The following TRIR variants were observed in gnomAD, a reference collection of about 807,000 sequenced individuals.
TRIR encodes the protein telomerase RNA component-interacting RNase.
Under a neutral mutation model 18.2 loss-of-function variants are expected in TRIR, and 5 were observed. The observed-to-expected ratio is 0.27, with a 90% CI of 0.14 to 0.58. The LOEUF is 0.58. TRIR is among the 20% of genes least tolerant of loss of function. TRIR has a pLI of 0.91. For synonymous variants in TRIR, 134 were observed against 114.4 expected (o/e 1.17, Z -1.10); for missense variants, 206 against 252.8 (o/e 0.81, Z 1.25).
Position 12,734,522 on chromosome 19 carries a change from C to G in TRIR, c.136G>C (p.Gly46Arg), listed in dbSNP as rs760670500. The G allele has an allele frequency of 4.2e-5, 64 of 1,536,438 alleles. No homozygotes were observed. The highest frequency in any genetic ancestry group is 5.3e-5 in the Non-Finnish European group (61 of 1,144,240). The change falls in exon 1 of 3, where the codon GGC (glycine) becomes CGC (arginine). Residue 46 changes from glycine to arginine, a missense_variant. Around this residue, in one of 2 missense-constraint regions of TRIR, gnomAD observed 172 missense variants for 165.0 expected, o/e 1.04. Coordinates refer to ENST00000242784, the MANE Select transcript of TRIR (RefSeq NM_024038.4). The surrounding 1 kb of genome is among the most constrained non-coding windows in gnomAD (Gnocchi z 4.1). ...CCCGACACCGGGCTCGAACCCGCGC[C>G]CGACACCTCCTCGTCCCCGCTCTCG... ...SPESGDEEVS[G>R]AGSSPVSGGV... is the part of the protein sequence containing the mutation.
Position 12,734,491 on chromosome 19 carries a change from A to C in TRIR, c.167T>G (p.Val56Gly). The C allele has an allele frequency of 1.3e-6, 2 of 1,534,674 alleles. No individual in the cohort carries two copies. The highest frequency in any genetic ancestry group is 1.7e-6 in the Non-Finnish European group (2 of 1,142,982). ...GAGSSPVSGG[V>G]NLFANDGSFL... The stretch of plus-strand genomic sequence containing the variant: ...GCTGCCGTCGTTGGCGAACAAGTTC[A>C]CGCCGCCCGACACCGGGCTCGAACC... The change falls in exon 1 of 3, where the codon GTG becomes GGG. Residue 56 changes from valine (V) to glycine (G), a missense_variant. Val to Gly is a moderately radical substitution (Grantham distance 109, BLOSUM62 -3). Transcript: ENST00000242784. This position sits in a 1 kb window ranked among gnomAD's most constrained non-coding sequence, Gnocchi z 4.1.
chr19:12,731,166 T>A lies in TRIR; in HGVS notation c.424-98A>T, dbSNP rs1462022427. The A allele has an allele frequency of 2.3e-5, 30 of 1,307,108 alleles. No homozygotes were observed. The highest frequency in any genetic ancestry group is 1.9e-5 in the Non-Finnish European group (17 of 903,862). The allele number at this position is 1,307,108 out of a possible 1,614,324, so 81.0% of individuals were successfully genotyped here. A position where few individuals can be genotyped will look rare whatever the true frequency, so the allele number is the denominator to read the frequency against. On this transcript the variant is annotated intron_variant, in intron 2 of 2. Transcript: ENST00000242784. The surrounding 1 kb of genome is among the most constrained non-coding windows in gnomAD (Gnocchi z 5.1). ...CCATTCCCAGTGTCACCCAGAAGAC[T>A]CTGGGTTTGAGCTGAAGATTATAAA...
rs990803068 is a variant in TRIR at position 12,731,114 on chromosome 19, G to A, written c.424-46C>T. ...TTAGGACGGGGGTGCCAGGAACCAG[G>A]GTCAGGACTGCCCTGAGACAGGTGA... On this transcript the variant is annotated intron_variant, in intron 2 of 2. Transcript: ENST00000242784. The surrounding 1 kb of genome is among the most constrained non-coding windows in gnomAD (Gnocchi z 5.1). The A allele has an allele frequency of 4.7e-6, 7 of 1,501,812 alleles. No individual in the cohort carries two copies. In the Admixed American group the frequency reaches 6.7e-5, roughly 14 times the overall value. The allele number at this position is 1,501,812 out of a possible 1,614,324, so 93.0% of individuals were successfully genotyped here.
Position 12,731,174 on chromosome 19 carries a change from T to A in TRIR, c.424-106A>T, listed in dbSNP as rs1323374550. 8 of 1,278,246 alleles carry A rather than the reference T, an allele frequency of 6.3e-6. No individual in the cohort carries two copies. Among genetic ancestry groups the A allele is most frequent in the Non-Finnish European group, 9.1e-6 (8 of 878,950 alleles). 79.2% of individuals were successfully genotyped at this position (1,278,246 alleles called of 1,614,324 possible). ...AGTGTCACCCAGAAGACTCTGGGTTTGAGCTGAAGATTATAAAGTCAAGTT... is the reference window on the plus strand; with the variant it reads ...AGTGTCACCCAGAAGACTCTGGGTTAGAGCTGAAGATTATAAAGTCAAGTT... On this transcript the variant is annotated intron_variant, in intron 2 of 2. Transcript: ENST00000242784. The surrounding 1 kb of genome is among the most constrained non-coding windows in gnomAD (Gnocchi z 5.1).
chr19:12,734,611 G>T lies in TRIR; in HGVS notation c.47C>A (p.Pro16Gln), dbSNP rs762582564. 2 of 1,517,502 alleles carry T rather than the reference G, an allele frequency of 1.3e-6. No individual in the cohort carries two copies. The highest frequency in any genetic ancestry group is 2.4e-5 in the South Asian group (2 of 81,908). The allele number at this position is 1,517,502 out of a possible 1,614,324, so 94.0% of individuals were successfully genotyped here. The part of the protein sequence containing the change: ...RRAEPQGREA[P>Q]GPAGGGGGGS... ...GCCACCGCCACCGCCCGCGGGGCCC[G>T]GAGCCTCCCGGCCCTGAGGCTCCGC... The change falls in exon 1 of 3, where the codon CCG becomes CAG. Residue 16 changes from proline (P) to glutamine (Q), a missense_variant. By Grantham distance (76) the Pro-to-Gln change is moderately conservative (BLOSUM62 -1). This residue lies in a region of TRIR where 172 missense variants were observed against 165.0 expected (regional missense o/e 1.04). Coordinates refer to ENST00000242784, the MANE Select transcript of TRIR (RefSeq NM_024038.4). The surrounding 1 kb of genome is among the most constrained non-coding windows in gnomAD (Gnocchi z 4.1).
chr19:12,734,681 G>GCAAATCACAGATGTTCTTAAT lies in TRIR; in HGVS notation c.-25_-24insATTAAGAACATCTGTGATTTG, dbSNP rs766326192. 1 of 1,476,606 alleles carries GCAAATCACAGATGTTCTTAAT rather than the reference G, an allele frequency of 6.8e-7. No individual in the cohort carries two copies. The highest frequency in any genetic ancestry group is 1.3e-5 in the South Asian group (1 of 75,662). The allele number at this position is 1,476,606 out of a possible 1,614,324, so 91.5% of individuals were successfully genotyped here. A position where few individuals can be genotyped will look rare whatever the true frequency, so the allele number is the denominator to read the frequency against. On this transcript the variant is annotated 5_prime_UTR_variant, in exon 1 of 3. Transcript: ENST00000242784. The surrounding 1 kb of genome is among the most constrained non-coding windows in gnomAD (Gnocchi z 4.1). Reference sequence around the variant, plus strand: ...ATTTTGTCGCCAGGTGCCGCGCAAAGGACTCCGGGAAGGCCGCTCCGGCCC... The same window carrying GCAAATCACAGATGTTCTTAAT: ...ATTTTGTCGCCAGGTGCCGCGCAAAGCAAATCACAGATGTTCTTAATGACTCCGGGAAGGCCGCTCCGGCCC...
At position 12,731,048 on chromosome 19, in the gene TRIR, G is replaced by A. The variant is rs116718949; in HGVS notation, c.444C>T (p.Asp148=). Reference sequence around the variant, plus strand: ...CTTCTGCCATGTACTTGGCCCACGCGTCACCTTTACTTGTTAATACCTGTG... The same window carrying A: ...CTTCTGCCATGTACTTGGCCCACGCATCACCTTTACTTGTTAATACCTGTG... The part of the protein sequence containing the change: ...TEDEVLTSKG[D]AWAKYMAEVK... Residue 148 remains aspartate (D), a synonymous_variant, in exon 3 of 3, where the codon GAC becomes GAT. Transcript: ENST00000242784. The surrounding 1 kb of genome is among the most constrained non-coding windows in gnomAD (Gnocchi z 5.1). The A allele has an allele frequency of 1.9e-4, 302 of 1,613,940 alleles. No homozygotes were observed. In the African/African-American group the frequency reaches 3.7e-3, roughly 20 times the overall value.
At chr19:12,732,684 G>A (rs1407393130) in intron 1 of TRIR, among the ~76,000 whole-genome samples, 3 of 151,816 alleles carry the variant, frequency 2.0e-5, no homozygotes, top group South Asian at 2.1e-4. Flanking sequence ...CCACCTCCCA[G>A]GTTCAAGTGA....
In TRIR at chr19:12,730,826, C is replaced by T. The variant is rs1967413314; in HGVS notation, c.*135G>A. 3.3e-5 allele frequency: 26 copies of T among 778,284 alleles called. No individual in the cohort carries two copies. The South Asian group carries it at 4.0e-4, about 12-fold the overall frequency. 48.2% of individuals were successfully genotyped at this position (778,284 alleles called of 1,614,324 possible). On this transcript the variant is annotated 3_prime_UTR_variant, in exon 3 of 3. Transcript: ENST00000242784. ...TAAAAAAAGAGTCCTGGAGAATCGT[C>T]CACGGCTGCGGGAAGCATCTCGGTT...
chr19:12,730,883 C>T lies in TRIR; in HGVS notation c.*78G>A. On this transcript the variant is annotated 3_prime_UTR_variant, in exon 3 of 3. Transcript: ENST00000242784. ...TGCTTTTAAGTCCTCTCAGGGAAGG[C>T]TGTCGCCGCTGCCGCTGCATTAAAT... 3 of 1,329,614 alleles carry T rather than the reference C, an allele frequency of 2.3e-6. No homozygotes were observed. The highest frequency in any genetic ancestry group is 1.7e-5 in the Admixed American group (1 of 58,192). 82.4% of individuals were successfully genotyped at this position (1,329,614 alleles called of 1,614,324 possible).
At position 12,731,302 on chromosome 19, in the gene TRIR, G is replaced by T; in HGVS notation, c.423+42C>A. The T allele has an allele frequency of 6.2e-7, 1 of 1,603,306 alleles. No homozygotes were observed. On this transcript the variant is annotated intron_variant, in intron 2 of 2. Transcript: ENST00000242784. The surrounding 1 kb of genome is among the most constrained non-coding windows in gnomAD (Gnocchi z 5.1). ...AAGGCTGGGCGCAAAAGCTGGAAGGGAAAGGCAATGTGGGTGGACCCCCTG... is the reference window on the plus strand; with the variant it reads ...AAGGCTGGGCGCAAAAGCTGGAAGGTAAAGGCAATGTGGGTGGACCCCCTG...
rs1183855040 is a variant in TRIR at position 12,730,746 on chromosome 19, A to AG, written c.*214dup. On this transcript the variant is annotated 3_prime_UTR_variant, in exon 3 of 3. Transcript: ENST00000242784. ...AGCCAGAGAGAATGAGGAGGTGAGA[A>AG]GGGGGGGACAGTAAACCACTGTTCT... 5.5e-5 allele frequency: 32 copies of AG among 584,320 alleles called. No homozygotes were observed. The highest frequency in any genetic ancestry group is 9.4e-5 in the African/African-American group (5 of 53,378). 36.2% of individuals were successfully genotyped at this position (584,320 alleles called of 1,614,324 possible). A position where few individuals can be genotyped will look rare whatever the true frequency, so the allele number is the denominator to read the frequency against.
At position 12,734,281 on chromosome 19, in the gene TRIR, T is replaced by C; in HGVS notation, c.345+32A>G. On this transcript the variant is annotated intron_variant, in intron 1 of 2. Transcript: ENST00000242784. This position sits in a 1 kb window ranked among gnomAD's most constrained non-coding sequence, Gnocchi z 4.1. Reference sequence around the variant, plus strand: ...CGACTCCCGCTGCCAAGACAGGCCGTGGCGCCCGCCCCCACCCCCACGGCT... The same window carrying C: ...CGACTCCCGCTGCCAAGACAGGCCGCGGCGCCCGCCCCCACCCCCACGGCT... 2.2e-6 allele frequency: 3 copies of C among 1,382,604 alleles called. No homozygotes were observed. The highest frequency in any genetic ancestry group is 2.8e-6 in the Non-Finnish European group (3 of 1,069,922). 85.6% of individuals were successfully genotyped at this position (1,382,604 alleles called of 1,614,324 possible). A position where few individuals can be genotyped will look rare whatever the true frequency, so the allele number is the denominator to read the frequency against.
rs1186747786 is a variant in TRIR at position 12,734,682 on chromosome 19, G to A, written c.-25C>T. ...TTTTGTCGCCAGGTGCCGCGCAAAG[G>A]ACTCCGGGAAGGCCGCTCCGGCCCC... On this transcript the variant is annotated 5_prime_UTR_variant, in exon 1 of 3. Transcript: ENST00000242784. This position sits in a 1 kb window ranked among gnomAD's most constrained non-coding sequence, Gnocchi z 4.1. The A allele has an allele frequency of 9.5e-6, 14 of 1,476,602 alleles. No homozygotes were observed. The highest frequency in any genetic ancestry group is 1.2e-5 in the Non-Finnish European group (13 of 1,123,362). The allele number at this position is 1,476,602 out of a possible 1,614,324, so 91.5% of individuals were successfully genotyped here.
intron 1 of TRIR, among the ~76,000 whole-genome samples, chr19:12,732,284 T>C (rs1286722472): frequency 1.3e-5 from 2 of 152,118 alleles, no homozygotes. Context: ...TCAAGCAACA[T>C]TGCCTTCCCT....
At position 12,734,422 on chromosome 19, in the gene TRIR, T is replaced by C. The variant is rs1432257554; in HGVS notation, c.236A>G (p.Gln79Arg). The C allele has an allele frequency of 6.6e-7, 1 of 1,522,592 alleles. No individual in the cohort carries two copies. The highest frequency in any genetic ancestry group is 8.8e-7 in the Non-Finnish European group (1 of 1,135,928). 94.3% of individuals were successfully genotyped at this position (1,522,592 alleles called of 1,614,324 possible). The change falls in exon 1 of 3, where the codon CAG (glutamine) becomes CGG (arginine). Residue 79 changes from glutamine to arginine, a missense_variant. Transcript: ENST00000242784. The surrounding 1 kb of genome is among the most constrained non-coding windows in gnomAD (Gnocchi z 4.1). ...ACCCGGGGGCGGCTCCTCCTGCCGC[T>C]GCCGCTGCTCCTCCTCCATCTTCCG... The part of the protein sequence containing the change: ...FKRKMEEEQR[Q>R]RQEEPPPGPQ...
At chr19:12,732,007 C>T (rs1263016046) in intron 1 of TRIR, among the ~76,000 whole-genome samples, 1 of 151,418 alleles carries the variant, frequency 6.6e-6, no homozygotes, top group Non-Finnish European at 1.5e-5. Context: ...GCCTGTAATC[C>T]CAGCTACTTG....
chr19:12,731,203 TG>T lies in TRIR; in HGVS notation c.424-136del. Reference sequence around the variant, plus strand: ...CTGAAGATTATAAAGTCAAGTTATCTGGGGACCCATTGACAGCCCTCCTACC... The same window carrying T: ...CTGAAGATTATAAAGTCAAGTTATCTGGGACCCATTGACAGCCCTCCTACC... On this transcript the variant is annotated intron_variant, in intron 2 of 2. Transcript: ENST00000242784. The surrounding 1 kb of genome is among the most constrained non-coding windows in gnomAD (Gnocchi z 5.1). 4.8e-6 allele frequency: 6 copies of T among 1,260,880 alleles called. No individual in the cohort carries two copies. The highest frequency in any genetic ancestry group is 6.9e-6 in the Non-Finnish European group (6 of 866,480). 78.1% of individuals were successfully genotyped at this position (1,260,880 alleles called of 1,614,324 possible). A position where few individuals can be genotyped will look rare whatever the true frequency, so the allele number is the denominator to read the frequency against.
Position 12,730,978 on chromosome 19 carries a change from G to A in TRIR, c.514C>T (p.Arg172Trp). 1 of 1,614,038 alleles carries A rather than the reference G, an allele frequency of 6.2e-7. No individual in the cohort carries two copies. Among genetic ancestry groups the A allele is most frequent in the Non-Finnish European group, 8.5e-7 (1 of 1,179,990 alleles). Residue 172 changes from arginine to tryptophan, a missense_variant, in exon 3 of 3, where the codon CGG becomes TGG. Arg to Trp is a moderately radical substitution (Grantham distance 101). Around this residue, in one of 2 missense-constraint regions of TRIR, gnomAD observed 34 missense variants for 87.8 expected, o/e 0.39. Coordinates refer to ENST00000242784, the MANE Select transcript of TRIR (RefSeq NM_024038.4). ...GAGGGGCGTCATTTCACCAGGGGCC[G>A]AGTTTTATCATCGTCACCGCACTGG... Reference protein sequence around the residue: ...AHQCGDDDKTRPLVK With the variant: ...AHQCGDDDKTWPLVK
Sources: allele counts gnomAD v4.1 joint callset (sites outside exome capture counted in the v4.1 genomes callset), GRCh38; gene constraint gnomAD v4.1.1; regional missense constraint gnomAD v4.1.1; non-coding constraint Gnocchi (gnomAD v3.1); transcripts MANE v1.5; gene names NCBI Gene and HGNC (gene_info 2026-07-23, HGNC 2026-07-21).